The following NEURL4 variants were observed in gnomAD, a reference collection of about 807,000 sequenced individuals.
NEURL4 encodes neuralized-like protein 4.
Under a neutral mutation model 148.0 loss-of-function variants are expected in NEURL4, and 45 were observed. The observed-to-expected ratio is 0.30, with a 90% CI of 0.24 to 0.39. The LOEUF (loss-of-function observed/expected upper bound fraction) is 0.39, where lower values mean the gene tolerates loss of function less well. NEURL4 is among the 10% of genes least tolerant of loss of function. The pLI, the probability that NEURL4 is intolerant of heterozygous loss-of-function variation, is 1.00. For synonymous variants in NEURL4, 854 were observed against 869.0 expected (o/e 0.98, Z 0.30); for missense variants, 1,776 against 2,144.0 (o/e 0.83, Z 3.39).
chr17:7,321,936 C>A lies in NEURL4; in HGVS notation c.2800G>T (p.Val934Leu). Residue 934 changes from valine to leucine, a missense_variant, in exon 17 of 29, where the codon GTG becomes TTG. By Grantham distance (32) the Val-to-Leu change is conservative. Coordinates refer to ENST00000399464, the MANE Select transcript of NEURL4 (RefSeq NM_032442.3). This position sits in a 1 kb window ranked among gnomAD's most constrained non-coding sequence, Gnocchi z 6.3. ...CCATGAGCATAGCCAGCGGCACGCACTGCCCTCGTGCCATCCTCCTCTAGA... is the reference window on the plus strand; with the variant it reads ...CCATGAGCATAGCCAGCGGCACGCAATGCCCTCGTGCCATCCTCCTCTAGA... Reference protein sequence around the residue: ...VTLEEDGTRAVRAAGYAHGLV... With the variant: ...VTLEEDGTRALRAAGYAHGLV... 2 of 1,613,958 alleles carry A rather than the reference C, an allele frequency of 1.2e-6. No homozygotes were observed. The highest frequency in any genetic ancestry group is 1.7e-6 in the Non-Finnish European group (2 of 1,180,018).
Position 7,319,100 on chromosome 17 carries a change from G to T in NEURL4, c.3634C>A (p.Arg1212=). Residue 1212 remains arginine, a synonymous_variant, in exon 22 of 29, where the codon CGG becomes AGG. Coordinates refer to ENST00000399464, the MANE Select transcript of NEURL4 (RefSeq NM_032442.3). Reference sequence around the variant, plus strand: ...CGGCCCCGCAGCAGCCAGGCTGCCCGTTTGAGGGCACAGGCAGAAGCAGGG... The same window carrying T: ...CGGCCCCGCAGCAGCCAGGCTGCCCTTTTGAGGGCACAGGCAGAAGCAGGG... ...NFPASACALK[R]AAWLLRGRGV... The T allele has an allele frequency of 6.2e-7, 1 of 1,614,054 alleles. No individual in the cohort carries two copies. Among genetic ancestry groups the T allele is most frequent in the Non-Finnish European group, 8.5e-7 (1 of 1,179,986 alleles).
chr17:7,315,694 C>G lies in NEURL4; in HGVS notation c.*429G>C, dbSNP rs905892537. On this transcript the variant is annotated 3_prime_UTR_variant, in exon 29 of 29. Coordinates refer to ENST00000399464, the MANE Select transcript of NEURL4 (RefSeq NM_032442.3). ...GTCAGTAACAACTGTACAGAGGCCC[C>G]CATCTTCCGTGCGCCCACCCTTCCC... The G allele has an allele frequency of 2.4e-5, 11 of 450,664 alleles. No homozygotes were observed. Among genetic ancestry groups the G allele is most frequent in the Non-Finnish European group, 4.3e-5 (11 of 255,784 alleles). 27.9% of individuals were successfully genotyped at this position (450,664 alleles called of 1,614,324 possible).
At position 7,324,530 on chromosome 17, in the gene NEURL4, T is replaced by C. The variant is rs202132384; in HGVS notation, c.1814-50A>G. 5.2e-5 allele frequency: 80 copies of C among 1,530,220 alleles called. 1 individual carries two copies. In the Admixed American group the frequency reaches 5.5e-4, roughly 11 times the overall value. 94.8% of individuals were successfully genotyped at this position (1,530,220 alleles called of 1,614,324 possible). On this transcript the variant is annotated intron_variant, in intron 9 of 28. Transcript: ENST00000399464. The surrounding 1 kb of genome is among the most constrained non-coding windows in gnomAD (Gnocchi z 5.9). ...GACATGAGGGGAAATGCAGGGCTCC[T>C]CTCCTTGCCACAGCAGCGCCCACAG...
Position 7,327,780 on chromosome 17 carries a change from T to C in NEURL4, c.387A>G (p.Val129=). 1 of 1,613,954 alleles carries C rather than the reference T, an allele frequency of 6.2e-7. No individual in the cohort carries two copies. The highest frequency in any genetic ancestry group is 8.5e-7 in the Non-Finnish European group (1 of 1,179,996). Residue 129 remains valine, a synonymous_variant, in exon 2 of 29, where the codon GTA becomes GTG. Coordinates refer to ENST00000399464, the MANE Select transcript of NEURL4 (RefSeq NM_032442.3). This position sits in a 1 kb window ranked among gnomAD's most constrained non-coding sequence, Gnocchi z 6.6. ...SATGLKGGSW[V]VSGCSVLRDG... ...CTCTCAGCACAGAGCAGCCCGACAC[T>C]ACCCACGAGCCCCCCTTCAGGCCCG...
chr17:7,321,221 A>G lies in NEURL4; in HGVS notation c.3251T>C (p.Val1084Ala), dbSNP rs2073028662. The G allele has an allele frequency of 4.3e-6, 7 of 1,613,920 alleles. No homozygotes were observed. The highest frequency in any genetic ancestry group is 5.9e-6 in the Non-Finnish European group (7 of 1,180,008). The change falls in exon 20 of 29, where the codon GTC becomes GCC. Residue 1084 changes from valine to alanine, a missense_variant. By Grantham distance (64) the Val-to-Ala change is moderately conservative. Transcript: ENST00000399464. The surrounding 1 kb of genome is among the most constrained non-coding windows in gnomAD (Gnocchi z 6.3). The part of the protein sequence containing the change: ...LYGPVRGVSI[V>A]SSTRLEESEG... ...TGACTCCTCCAGTCTCGTGGAACTG[A>G]CAATTGACACACCGCGGACTGGCCC...
At position 7,327,789 on chromosome 17, in the gene NEURL4, G is replaced by T. The variant is rs781281012; in HGVS notation, c.378C>A (p.Gly126=). Residue 126 remains glycine (G), a synonymous_variant, in exon 2 of 29, where the codon GGC becomes GGA. Transcript: ENST00000399464. This position sits in a 1 kb window ranked among gnomAD's most constrained non-coding sequence, Gnocchi z 6.6. The part of the protein sequence containing the change: ...FPSSATGLKG[G]SWVVSGCSVL... Reference sequence around the variant, plus strand: ...CAGAGCAGCCCGACACTACCCACGAGCCCCCCTTCAGGCCCGTGGCACTGC... The same window carrying T: ...CAGAGCAGCCCGACACTACCCACGATCCCCCCTTCAGGCCCGTGGCACTGC... The T allele has an allele frequency of 1.2e-6, 2 of 1,614,006 alleles. No homozygotes were observed. The highest frequency in any genetic ancestry group is 2.2e-5 in the South Asian group (2 of 91,084).
chr17:7,316,876 C>T (rs1441044163), intron 28 of NEURL4, among the ~76,000 whole-genome samples: 1 of 151,988 alleles, frequency 6.6e-6, no homozygotes. Context: ...GAGATCACGC[C>T]ACTGCACTCC....
At position 7,317,303 on chromosome 17, in the gene NEURL4, G is replaced by A. The variant is rs752178305; in HGVS notation, c.4386C>T (p.Gly1462=). The A allele has an allele frequency of 2.9e-5, 45 of 1,534,680 alleles. No individual in the cohort carries two copies. The highest frequency in any genetic ancestry group is 2.7e-4 in the Admixed American group (13 of 48,520). Residue 1462 remains glycine, a synonymous_variant, in exon 28 of 29, where the codon GGC becomes GGT. Transcript: ENST00000399464. ...CCTCCCGAGGAGGTGCACAGTTCTCGCCAGGCTCCTCGAACCCTACCCCAG... is the reference window on the plus strand; with the variant it reads ...CCTCCCGAGGAGGTGCACAGTTCTCACCAGGCTCCTCGAACCCTACCCCAG... ...GEPGVGFEEP[G]ENCAPPREEQ...
In NEURL4 at chr17:7,317,580, G is replaced by C. The variant is rs1377202091; in HGVS notation, c.4206-7C>G. 2.5e-6 allele frequency: 4 copies of C among 1,613,392 alleles called. No homozygotes were observed. The highest frequency in any genetic ancestry group is 1.1e-5 in the South Asian group (1 of 91,066). On this transcript the variant is annotated splice_region_variant and splice_polypyrimidine_tract_variant and intron_variant, in intron 26 of 28. Transcript: ENST00000399464. Reference sequence around the variant, plus strand: ...CTCCAGGCGGGGATTCACTCTAGGAGGTGGACAAGCGGGGCAGATACAACG... The same window carrying C: ...CTCCAGGCGGGGATTCACTCTAGGACGTGGACAAGCGGGGCAGATACAACG...
Position 7,329,096 on chromosome 17 carries a change from C to T in NEURL4, c.217G>A (p.Gly73Arg). 2 of 1,610,204 alleles carry T rather than the reference C, an allele frequency of 1.2e-6. No individual in the cohort carries two copies. Among genetic ancestry groups the T allele is most frequent in the Non-Finnish European group, 8.5e-7 (1 of 1,179,010 alleles). ...RQQPGQEFNH[G>R]LVLSREPLRD... is the part of the protein sequence containing the mutation. ...AAGGGTTCTCGGCTCAACACCAGCC[C>T]GTGGTTAAACTCCTGGCCCGGCTGC... The change falls in exon 1 of 29, where the codon GGG (glycine) becomes AGG (arginine). Residue 73 changes from glycine (G) to arginine (R), a missense_variant. Coordinates refer to ENST00000399464, the MANE Select transcript of NEURL4 (RefSeq NM_032442.3).
In NEURL4 at chr17:7,327,552, T is replaced by C. The variant is rs2073118875; in HGVS notation, c.615A>G (p.Leu205=). The C allele has an allele frequency of 1.2e-6, 2 of 1,609,916 alleles. No individual in the cohort carries two copies. The highest frequency in any genetic ancestry group is 1.7e-6 in the Non-Finnish European group (2 of 1,179,096). The change falls in exon 2 of 29, where the codon CTA becomes CTG. Residue 205 remains leucine, a synonymous_variant. Coordinates refer to ENST00000399464, the MANE Select transcript of NEURL4 (RefSeq NM_032442.3). The surrounding 1 kb of genome is among the most constrained non-coding windows in gnomAD (Gnocchi z 6.6). ...LYGKCTQITV[L]PPEPGFSPPT... ...GGGGGCTGAAGCCTGGCTCAGGGGG[T>C]AGCACGGTGATCTGGGTGCACTTGC...
In NEURL4 at chr17:7,325,298, G is replaced by A. The variant is rs756313387; in HGVS notation, c.1542C>T (p.Ala514=). Residue 514 remains alanine, a synonymous_variant, in exon 8 of 29, where the codon GCC becomes GCT. Transcript: ENST00000399464. ...AGAGCAGGCGCTCAGGTTCTGCCTG[G>A]GCGGCAGGGGCAGCACGGCGGAGAG... The part of the protein sequence containing the change: ...EGALRRAAPA[A]QAEPERLLFH... 10 of 1,610,246 alleles carry A rather than the reference G, an allele frequency of 6.2e-6. 1 individual carries two copies. In the Admixed American group the frequency reaches 1.0e-4, roughly 16 times the overall value.
In NEURL4 at chr17:7,323,126, G is replaced by A; in HGVS notation, c.2418-3C>T. 6.2e-7 allele frequency: 1 copy of A among 1,608,610 alleles called. No individual in the cohort carries two copies. The highest frequency in any genetic ancestry group is 1.1e-5 in the South Asian group (1 of 90,976). On this transcript the variant is annotated splice_polypyrimidine_tract_variant and splice_region_variant and intron_variant, in intron 14 of 28. Transcript: ENST00000399464. ...CGTCTTGCATGATGGCTGTACCACT[G>A]GGGGGATGGCAGAAGGGGTGAGTCA... is the stretch of plus-strand genomic sequence containing the variant.
Position 7,317,376 on chromosome 17 carries a change from A to T in NEURL4, c.4319-6T>A. The T allele has an allele frequency of 6.3e-7, 1 of 1,585,250 alleles. No individual in the cohort carries two copies. The highest frequency in any genetic ancestry group is 8.6e-7 in the Non-Finnish European group (1 of 1,163,838). On this transcript the variant is annotated splice_region_variant and splice_polypyrimidine_tract_variant and intron_variant, in intron 27 of 28. Coordinates refer to ENST00000399464, the MANE Select transcript of NEURL4 (RefSeq NM_032442.3). Reference sequence around the variant, plus strand: ...GCTCAGGATGGAGGCAGTACCTGGGAGGAGAACTGGGTCAGGATAGCCCTT... The same window carrying T: ...GCTCAGGATGGAGGCAGTACCTGGGTGGAGAACTGGGTCAGGATAGCCCTT...
In NEURL4 at chr17:7,324,742, T is replaced by G. The variant is rs1199495212; in HGVS notation, c.1813+57A>C. 1 of 1,574,928 alleles carries G rather than the reference T, an allele frequency of 6.3e-7. No individual in the cohort carries two copies. Among genetic ancestry groups the G allele is most frequent in the Non-Finnish European group, 8.7e-7 (1 of 1,147,282 alleles). On this transcript the variant is annotated intron_variant, in intron 9 of 28. Transcript: ENST00000399464. The surrounding 1 kb of genome is among the most constrained non-coding windows in gnomAD (Gnocchi z 5.9). ...GAGCTGCAGAACAAGTGCCAGGGCT[T>G]TGGGGATAGCTTCCCCCCAAAACCC...
chr17:7,327,423 CCTAG>C lies in NEURL4; in HGVS notation c.727+13_727+16del, dbSNP rs780749264. On this transcript the variant is annotated intron_variant, in intron 2 of 28. Transcript: ENST00000399464. The surrounding 1 kb of genome is among the most constrained non-coding windows in gnomAD (Gnocchi z 6.6). ...TCCGTCCCCACCCCACCACCACTGC[CCTAG>C]CTGTGTTCTCACCTTCATCTGCAGA... 69 of 1,542,028 alleles carry C rather than the reference CCTAG, an allele frequency of 4.5e-5. No homozygotes were observed. The East Asian group carries it at 1.4e-3, about 32-fold the overall frequency.
Position 7,322,067 on chromosome 17 carries a change from G to A in NEURL4, c.2726-57C>T. The A allele has an allele frequency of 6.5e-7, 1 of 1,529,364 alleles. No homozygotes were observed. Among genetic ancestry groups the A allele is most frequent in the Non-Finnish European group, 8.7e-7 (1 of 1,143,678 alleles). 94.7% of individuals were successfully genotyped at this position (1,529,364 alleles called of 1,614,324 possible). ...GGATTGGGGCAGCGAGCTTCAGGCA[G>A]AACACAGAGCAAAGCTTTCAGATGA... On this transcript the variant is annotated intron_variant, in intron 16 of 28. Transcript: ENST00000399464. The surrounding 1 kb of genome is among the most constrained non-coding windows in gnomAD (Gnocchi z 5.5).
rs1467656733 is a variant in NEURL4, at chr17:7,322,023, G to A, written c.2726-13C>T. The A allele has an allele frequency of 6.3e-7, 1 of 1,596,130 alleles. No homozygotes were observed. The highest frequency in any genetic ancestry group is 8.5e-7 in the Non-Finnish European group (1 of 1,172,380). The stretch of plus-strand genomic sequence containing the variant: ...GCCACGCCAGCCACTGTGAAGAGAT[G>A]GCACCAGTAGAAGGGGTAGGATTGG... On this transcript the variant is annotated splice_polypyrimidine_tract_variant and intron_variant, in intron 16 of 28. Transcript: ENST00000399464. The surrounding 1 kb of genome is among the most constrained non-coding windows in gnomAD (Gnocchi z 5.5).
chr17:7,324,673 T>C lies in NEURL4; in HGVS notation c.1813+126A>G, dbSNP rs2073077765. ...CCACAGCCCTGCCCACGGGACACTC[T>C]CTAGCCACTGAATGAGTGGTCACAA... On this transcript the variant is annotated intron_variant, in intron 9 of 28. Transcript: ENST00000399464. The surrounding 1 kb of genome is among the most constrained non-coding windows in gnomAD (Gnocchi z 5.9). 1 of 1,176,826 alleles carries C rather than the reference T, an allele frequency of 8.5e-7. No individual in the cohort carries two copies. The highest frequency in any genetic ancestry group is 1.4e-5 in the South Asian group (1 of 72,432). 72.9% of individuals were successfully genotyped at this position (1,176,826 alleles called of 1,614,324 possible). A position where few individuals can be genotyped will look rare whatever the true frequency, so the allele number is the denominator to read the frequency against.
Sources: allele counts gnomAD v4.1 joint callset (sites outside exome capture counted in the v4.1 genomes callset), GRCh38; gene constraint gnomAD v4.1.1; non-coding constraint Gnocchi (gnomAD v3.1); transcripts MANE v1.5; gene names NCBI Gene and HGNC (gene_info 2026-07-23, HGNC 2026-07-21).